Variants in RAP1GDS1 observed in about 807,000 individuals in gnomAD.
RAP1GDS1 encodes the protein RAP1, GTP-GDP dissociation stimulator 1.
Under a neutral mutation model 71.1 loss-of-function variants are expected in RAP1GDS1, and 35 were observed. The ratio of observed to expected loss-of-function variants is 0.49; its 90% CI spans 0.38 to 0.65. The LOEUF (loss-of-function observed/expected upper bound fraction) is 0.65, where lower values mean the gene tolerates loss of function less well. Ranked by LOEUF, RAP1GDS1 falls within the 30% of genes least tolerant of loss-of-function variation. The pLI, the probability that RAP1GDS1 is intolerant of heterozygous loss-of-function variation, is 0.00. For missense variants in RAP1GDS1, 663 were observed against 706.1 expected (o/e 0.94, Z 0.69); for synonymous variants, 229 against 243.1 (o/e 0.94, Z 0.54).
Position 98,261,420 on chromosome 4 carries a change from A to G in RAP1GDS1, c.-146A>G. On this transcript the variant is annotated 5_prime_UTR_variant, in exon 1 of 15. Transcript: ENST00000408927. ...CCGCGGCCGCGCCGCCTGCAGCAGC[A>G]CCAGCTGCTCCTCCCCGGCGGCCGC... is the stretch of plus-strand genomic sequence containing the variant. 1 of 506,456 alleles carries G rather than the reference A, an allele frequency of 2.0e-6. No homozygotes were observed. Among genetic ancestry groups the G allele is most frequent in the Middle Eastern group, 6.9e-4 (1 of 1,442 alleles). 31.4% of individuals were successfully genotyped at this position (506,456 alleles called of 1,614,324 possible).
chr4:98,288,639 G>A (rs570914434), intron 1 of RAP1GDS1, among the ~76,000 whole-genome samples: 2 of 152,226 alleles, frequency 1.3e-5, no homozygotes, highest in South Asian at 2.1e-4. Context: ...CTGGTTTACC[G>A]TCCCACCAAC....
In RAP1GDS1 at chr4:98,443,015, A is replaced by ATTTTTTTTTCTTTT. The variant is rs543199019; in HGVS notation, c.*907_*908insCTTTTTTTTTTTTT. 4.7e-3 allele frequency: 647 copies of ATTTTTTTTTCTTTT among 138,198 alleles called. 17 individuals carry two copies. Among genetic ancestry groups the ATTTTTTTTTCTTTT allele is most frequent in the African/African-American group, 0.02 (513 of 25,250 alleles). The allele number at this position is 138,198 out of a possible 1,614,324, so 8.6% of individuals were successfully genotyped here. On this transcript the variant is annotated 3_prime_UTR_variant, in exon 15 of 15. Transcript: ENST00000408927. The stretch of plus-strand genomic sequence containing the variant: ...TGAGTATAGTTCATTGAAGAATGGA[A>ATTTTTTTTTCTTTT]TTTTTTTTTTTTTTTTTTTTTTTGC...
At chr4:98,301,649 A>G (rs1403296666) in intron 2 of RAP1GDS1, among the ~76,000 whole-genome samples, 1 of 152,176 alleles carries the variant, frequency 6.6e-6, no homozygotes, top group African/African-American at 2.4e-5. Context: ...GAAATGGGGA[A>G]CCAGGAGCCC....
intron 1 of RAP1GDS1, among the ~76,000 whole-genome samples, chr4:98,269,049 A>G (rs770204257): frequency 2.6e-5 from 4 of 152,060 alleles, no homozygotes; most frequent in Non-Finnish European, 5.9e-5. Context: ...ACATGCTTCA[A>G]GTCATGTTAC....
chr4:98,340,860 G>A (rs1417983122), intron 2 of RAP1GDS1, among the ~76,000 whole-genome samples: 1 of 152,044 alleles, frequency 6.6e-6, no homozygotes, highest in African/African-American at 2.4e-5. Context: ...AGCAGACACT[G>A]GGACCTACTT....
intron 7 of RAP1GDS1, among the ~76,000 whole-genome samples, chr4:98,408,407 A>G (rs1247665290): frequency 6.6e-6 from 1 of 152,196 alleles, no homozygotes; most frequent in Non-Finnish European, 1.5e-5. Context: ...TACTGGGATT[A>G]CAGGCATGAG....
chr4:98,370,091 C>T lies in RAP1GDS1; in HGVS notation c.362-8926C>T, dbSNP rs572586035. On this transcript the variant is annotated intron_variant, in intron 4 of 14. Coordinates refer to ENST00000408927, the MANE Select transcript of RAP1GDS1 (RefSeq NM_001100427.2). Reference sequence around the variant, plus strand: ...CTTAAATTATATGTTTTCCCTCACACTTCCCTCTTTTTCCCCTCACCCAAG... The same window carrying T: ...CTTAAATTATATGTTTTCCCTCACATTTCCCTCTTTTTCCCCTCACCCAAG... 2.0e-5 allele frequency among the ~76,000 whole-genome samples: 3 copies of T among 152,274 alleles called. No homozygotes were observed. In the South Asian group the frequency reaches 6.2e-4, roughly 32 times the overall value.
At chr4:98,328,585 G>A (rs993187995) in intron 2 of RAP1GDS1, among the ~76,000 whole-genome samples, 1 of 152,128 alleles carries the variant, frequency 6.6e-6, no homozygotes, top group Non-Finnish European at 1.5e-5. Flanking sequence ...AGGTAGATAA[G>A]AACTATTTTA....
intron 12 of RAP1GDS1, among the ~76,000 whole-genome samples, chr4:98,429,809 G>A (rs1750138197): frequency 6.6e-6 from 1 of 151,882 alleles, no homozygotes; most frequent in Admixed American, 6.6e-5. Flanking sequence ...CATGATCCTG[G>A]CATCTGAATT....
intron 1 of RAP1GDS1, among the ~76,000 whole-genome samples, chr4:98,280,225 A>G (rs571699159): frequency 5.9e-5 from 9 of 152,334 alleles, no homozygotes; most frequent in East Asian, 1.9e-4. Flanking sequence ...AGTCCCACCA[A>G]CAGTGTAAAA....
At chr4:98,280,400 A>G (rs112602606) in intron 1 of RAP1GDS1, among the ~76,000 whole-genome samples, 6 of 152,270 alleles carry the variant, frequency 3.9e-5, no homozygotes, top group African/African-American at 1.4e-4. Flanking sequence ...GGCTGCATAA[A>G]TGTCTTCTTT....
At chr4:98,434,774 C>G (rs1158302217) in intron 13 of RAP1GDS1, among the ~76,000 whole-genome samples, 1 of 152,050 alleles carries the variant, frequency 6.6e-6, no homozygotes, top group Non-Finnish European at 1.5e-5. Flanking sequence ...GTGCATGCCA[C>G]TGTGCCTGAC....
intron 12 of RAP1GDS1, among the ~76,000 whole-genome samples, chr4:98,422,845 C>A (rs1560998144): frequency 6.6e-6 from 1 of 152,144 alleles, no homozygotes; most frequent in African/African-American, 2.4e-5. Flanking sequence ...CCTGTCTCAC[C>A]CAGACCACCC....
At chr4:98,334,336 A>G (rs933777296) in intron 2 of RAP1GDS1, among the ~76,000 whole-genome samples, 1 of 151,988 alleles carries the variant, frequency 6.6e-6, no homozygotes, top group Non-Finnish European at 1.5e-5. Context: ...CCCTTCCCCC[A>G]CCTTTGACTC....
chr4:98,378,888 T>C (rs1741568499), intron 4 of RAP1GDS1, 129 bp from the exon 5 acceptor site: 1 of 881,098 alleles, frequency 1.1e-6, no homozygotes, highest in East Asian at 3.2e-5. Flanking sequence ...AAGACATATT[T>C]AATGTCCTGC....
chr4:98,320,401 G>C (rs143156640), intron 2 of RAP1GDS1, among the ~76,000 whole-genome samples: 212 of 152,146 alleles, frequency 1.4e-3, no homozygotes, highest in African/African-American at 4.8e-3. Flanking sequence ...TCCCCGTTAC[G>C]TGATTCTCTT....
chr4:98,347,857 G>A (rs962221962), intron 3 of RAP1GDS1, among the ~76,000 whole-genome samples: 2 of 152,192 alleles, frequency 1.3e-5, no homozygotes, highest in African/African-American at 4.8e-5. Flanking sequence ...GTGAAAGATA[G>A]CAGGTGTGAA....
intron 1 of RAP1GDS1, among the ~76,000 whole-genome samples, chr4:98,280,068 T>C (rs992680530): frequency 6.6e-5 from 10 of 152,222 alleles, no homozygotes; most frequent in Non-Finnish European, 1.0e-4. Flanking sequence ...GCAATAAACA[T>C]ACATGTGCAT....
At chr4:98,265,106 C>T (rs1442600878) in intron 1 of RAP1GDS1, among the ~76,000 whole-genome samples, 2 of 151,994 alleles carry the variant, frequency 1.3e-5, no homozygotes, top group African/African-American at 2.4e-5. Flanking sequence ...AGTGCAGGAT[C>T]GATTAGATGA....
Sources: allele counts gnomAD v4.1 joint callset (sites outside exome capture counted in the v4.1 genomes callset), GRCh38; gene constraint gnomAD v4.1.1; transcripts MANE v1.5; gene names NCBI Gene and HGNC (gene_info 2026-07-23, HGNC 2026-07-21).